The following GNAS variants were observed in gnomAD, a reference collection of about 807,000 sequenced individuals.
GNAS encodes protein ALEX.
GNAS carries 8 observed loss-of-function variants against 54.5 expected under a neutral mutation model. That is an observed-to-expected ratio of 0.15 (90% CI 0.09 to 0.26). The LOEUF (loss-of-function observed/expected upper bound fraction) is 0.26. Ranked by LOEUF, GNAS falls within the 10% of genes least tolerant of loss-of-function variation. GNAS has a pLI of 1.00. For missense variants in GNAS, 170 were observed against 529.8 expected (o/e 0.32, Z 6.67); for synonymous variants, 204 against 191.4 (o/e 1.07, Z -0.54).
chr20:58,890,689 G>C (rs1219718181), upstream of GNAS: 1 of 152,044 alleles, frequency 6.6e-6, no homozygotes, highest in Non-Finnish European at 1.5e-5. Flanking sequence ...GGCGCCTTCG[G>C]CTCGGGCCAT....
At chr20:58,899,176 A>G (rs2090361679) in intron 3 of GNAS, among the ~76,000 whole-genome samples, 191 bp downstream of exon 3, 1 of 152,188 alleles carries the variant, frequency 6.6e-6, no homozygotes, top group African/African-American at 2.4e-5. Context: ...CGTAACATAA[A>G]TTTTTTTGGC....
At position 58,909,905 on chromosome 20, in the gene GNAS, G is replaced by A. The variant is rs200733169; in HGVS notation, c.840-46G>A. 15 of 1,613,392 alleles carry A rather than the reference G, an allele frequency of 9.3e-6. No individual in the cohort carries two copies. The highest frequency in any genetic ancestry group is 2.2e-5 in the East Asian group (1 of 44,894). ...GTGCAAGCATTCCAGACCCCTGGCC[G>A]AAAGCGCGCTTCTCCCAAGCATTCA... On this transcript the variant is annotated intron_variant, in intron 10 of 12. Transcript: ENST00000371085. This position sits in a 1 kb window ranked among gnomAD's most constrained non-coding sequence, Gnocchi z 7.3.
In GNAS at chr20:58,841,589, C is replaced by T; in HGVS notation, c.43+703C>T. 3 of 1,016,552 alleles carry T rather than the reference C, an allele frequency of 3.0e-6. No homozygotes were observed. The highest frequency in any genetic ancestry group is 3.5e-6 in the Non-Finnish European group (3 of 850,898). 63.0% of individuals were successfully genotyped at this position (1,016,552 alleles called of 1,614,324 possible). A position where few individuals can be genotyped will look rare whatever the true frequency, so the allele number is the denominator to read the frequency against. On this transcript the variant is annotated intron_variant, in intron 1 of 12. Coordinates refer to the GNAS transcript ENST00000306090. This position sits in a 1 kb window ranked among gnomAD's most constrained non-coding sequence, Gnocchi z 5.0. Reference sequence around the variant, plus strand: ...CTCCCGTCGCTCGCGGGACAGAGACCGCCTCAAAGAGCGTGCGCACCTGCC... The same window carrying T: ...CTCCCGTCGCTCGCGGGACAGAGACTGCCTCAAAGAGCGTGCGCACCTGCC...
At position 58,910,121 on chromosome 20, in the gene GNAS, T is replaced by C; in HGVS notation, c.970+40T>C. The C allele has an allele frequency of 1.2e-6, 2 of 1,606,474 alleles. No homozygotes were observed. The highest frequency in any genetic ancestry group is 1.7e-6 in the Non-Finnish European group (2 of 1,173,170). ...CACTCTTGCTGGCTGTTCATTGCGG[T>C]GGTTCTTTTTCAAACGGTCAGGCTG... On this transcript the variant is annotated intron_variant, in intron 11 of 12. Coordinates refer to ENST00000371085, the MANE Select transcript of GNAS (RefSeq NM_000516.7). The surrounding 1 kb of genome is among the most constrained non-coding windows in gnomAD (Gnocchi z 5.8).
chr20:58,855,641 T>C, intron 1 of GNAS: 2 of 711,600 alleles, frequency 2.8e-6, no homozygotes, highest in Middle Eastern at 4.7e-4. Context: ...GGCAGGGGCT[T>C]CAGGTGAGCC....
intron 1 of GNAS, among the ~76,000 whole-genome samples, chr20:58,869,846 C>T (rs2087319128): frequency 6.6e-6 from 1 of 152,240 alleles, no homozygotes; most frequent in African/African-American, 2.4e-5. Flanking sequence ...TCAGGCTCAG[C>T]ACTGCCTTGG....
intron 5 of GNAS, among the ~76,000 whole-genome samples, chr20:58,904,141 G>C (rs2090881624): frequency 6.6e-6 from 1 of 152,046 alleles, no homozygotes; most frequent in Non-Finnish European, 1.5e-5. Context: ...GCTATGGCAG[G>C]CTTAATTATT....
intron 1 of GNAS, among the ~76,000 whole-genome samples, chr20:58,883,781 T>C (rs552497539): frequency 9.2e-5 from 14 of 152,080 alleles, no homozygotes; most frequent in African/African-American, 3.1e-4. Context: ...GCAGTGGCCT[T>C]GGGAAGGAGA....
rs1263984812 is a variant in GNAS at position 58,891,529 on chromosome 20, C to T, written c.-198C>T. 1.3e-5 allele frequency: 13 copies of T among 975,982 alleles called. No homozygotes were observed. The highest frequency in any genetic ancestry group is 1.6e-5 in the Non-Finnish European group (13 of 824,514). The allele number at this position is 975,982 out of a possible 1,614,324, so 60.5% of individuals were successfully genotyped here. ...AGCTGCGCGCGCCCCTCGGTCCGAC[C>T]GACACCCTCCCCTTCCCGCCCGTCC... On this transcript the variant is annotated 5_prime_UTR_variant, in exon 1 of 13. Coordinates refer to ENST00000371085, the MANE Select transcript of GNAS (RefSeq NM_000516.7).
rs139550199 is a variant in GNAS at position 58,843,567 on chromosome 20, T to C, written c.43+2681T>C. Among the ~76,000 whole-genome samples, 762 of 152,300 alleles carry C rather than the reference T, an allele frequency of 5.0e-3. 2 individuals carry two copies. Among genetic ancestry groups the C allele is most frequent in the African/African-American group, 0.016 (669 of 41,562 alleles). On this transcript the variant is annotated intron_variant, in intron 1 of 12. Transcript: ENST00000306090. ...ATAGGTGAGGTCTGCGGGGTGAGGATAGGCTCCCAAGAAAAAGCAGATCTT... is the reference window on the plus strand; with the variant it reads ...ATAGGTGAGGTCTGCGGGGTGAGGACAGGCTCCCAAGAAAAAGCAGATCTT...
intron 1 of GNAS, among the ~76,000 whole-genome samples, chr20:58,861,794 C>T (rs2086795390): frequency 6.6e-6 from 1 of 152,160 alleles, no homozygotes; most frequent in Non-Finnish European, 1.5e-5. Context: ...CAACCTCCGC[C>T]TCCCGGGTTC....
At chr20:58,895,822 C>T in intron 2 of GNAS, 138 bp downstream of exon 2, 2 of 686,490 alleles carry the variant, frequency 2.9e-6, no homozygotes, top group Non-Finnish European at 5.3e-6. Flanking sequence ...ATTAGAAAAT[C>T]CTGGGAAGGG....
chr20:58,854,825 C>T (rs781228486), intron 1 of GNAS: 9 of 1,592,724 alleles, frequency 5.7e-6, no homozygotes, highest in Non-Finnish European at 6.8e-6. Flanking sequence ...CCCCTGCCTC[C>T]GGGGCCAGAC....
chr20:58,895,488 G>A (rs1019185991), intron 1 of GNAS, 124 bp from the exon 2 acceptor site: 15 of 719,494 alleles, frequency 2.1e-5, no homozygotes, highest in Non-Finnish European at 3.3e-5. Context: ...TTGCAAGTCT[G>A]TGATTTTGTG....
chr20:58,905,522 A>AAAAACAAG (rs776537065), intron 6 of GNAS, 42 bp downstream of exon 6: 1 of 1,029,334 alleles, frequency 9.7e-7, no homozygotes, highest in Admixed American at 1.7e-5. Flanking sequence ...TAAAACAGAC[A>AAAAACAAG]AAAACAAGAA....
chr20:58,896,885 A>G (rs1568996540), intron 2 of GNAS, among the ~76,000 whole-genome samples: 1 of 152,156 alleles, frequency 6.6e-6, no homozygotes, highest in Non-Finnish European at 1.5e-5. Flanking sequence ...CACCCCCCAA[A>G]AAAACAAACA....
chr20:58,840,590 C>A (rs764901812), upstream of GNAS: 8 of 1,611,020 alleles, frequency 5.0e-6, no homozygotes, highest in South Asian at 7.7e-5. The surrounding 1 kb of genome is among the most constrained non-coding windows in gnomAD (Gnocchi z 6.0). Flanking sequence ...CCTCACCCAG[C>A]GTCTGCACGC....
chr20:58,899,425 T>C, intron 3 of GNAS: 1 of 521,144 alleles, frequency 1.9e-6, no homozygotes, highest in South Asian at 1.5e-5. Context: ...TATTAAAATA[T>C]GCAATGCTGC....
At chr20:58,907,516 C>A (rs904770110) in intron 6 of GNAS, among the ~76,000 whole-genome samples, 1 of 152,150 alleles carries the variant, frequency 6.6e-6, no homozygotes, top group Non-Finnish European at 1.5e-5. Context: ...AGTTTAACCA[C>A]CCCAGTTTTG....
Sources: allele counts gnomAD v4.1 joint callset (sites outside exome capture counted in the v4.1 genomes callset), GRCh38; gene constraint gnomAD v4.1.1; non-coding constraint Gnocchi (gnomAD v3.1); transcripts MANE v1.5; gene names NCBI Gene and HGNC (gene_info 2026-07-23, HGNC 2026-07-21).